The following GXYLT1 variants were observed in gnomAD, a reference collection of about 807,000 sequenced individuals.
The protein encoded by GXYLT1 is glycosyltransferase 8 domain containing 3.
Under a neutral mutation model 54.0 loss-of-function variants are expected in GXYLT1, and 29 were observed. The observed-to-expected ratio is 0.54, with a 90% CI of 0.40 to 0.73. The LOEUF (loss-of-function observed/expected upper bound fraction) is 0.73. Among genes scored for constraint, GXYLT1 ranks in the 30% least tolerant of loss-of-function variants. The probability of loss-of-function intolerance (pLI) is 0.00; values close to 1 mark genes in which losing one functional copy is unlikely to be tolerated. For missense variants in GXYLT1, 490 were observed against 553.4 expected, an observed-to-expected ratio of 0.89 and a Z score of 1.15; for synonymous variants, 176 against 204.1, an observed-to-expected ratio of 0.86 and a Z score of 1.17.
Position 42,097,872 on chromosome 12 carries a change from AT to A in GXYLT1, c.988+37del, listed in dbSNP as rs745495181. On this transcript the variant is annotated intron_variant, in intron 6 of 7. Transcript: ENST00000398675. ...CCTTTTTCACTAAGTATTATCTGTG[AT>A]TTTTTTAATGCAAATAAAAGGAATT... is the stretch of plus-strand genomic sequence containing the variant. 7.2e-5 allele frequency: 105 copies of A among 1,465,314 alleles called. 1 individual carries two copies. The highest frequency in any genetic ancestry group is 6.6e-4 in the South Asian group (55 of 82,898). 90.8% of individuals were successfully genotyped at this position (1,465,314 alleles called of 1,614,324 possible). A position where few individuals can be genotyped will look rare whatever the true frequency, so the allele number is the denominator to read the frequency against.
intron 1 of GXYLT1, among the ~76,000 whole-genome samples, chr12:42,140,942 G>A (rs1418747205): frequency 2.6e-5 from 4 of 152,200 alleles, no homozygotes; most frequent in Non-Finnish European, 4.4e-5. Flanking sequence ...AATTAGTGAT[G>A]TCCGGTAATA....
intron 1 of GXYLT1, among the ~76,000 whole-genome samples, chr12:42,134,274 A>G (rs1172670401): frequency 2.6e-5 from 4 of 152,140 alleles, no homozygotes; most frequent in Non-Finnish European, 4.4e-5. Flanking sequence ...AGAAACTGCA[A>G]TCCAATACCT....
intron 2 of GXYLT1, among the ~76,000 whole-genome samples, chr12:42,121,047 G>A (rs1230160183): frequency 1.3e-5 from 2 of 152,132 alleles, no homozygotes; most frequent in Non-Finnish European, 1.5e-5. Flanking sequence ...CTCAAAAACA[G>A]TGGAAGCCAC....
chr12:42,098,105 T>C, intron 5 of GXYLT1, 72 bp from the exon 6 acceptor site: 1 of 1,376,902 alleles, frequency 7.3e-7, no homozygotes, highest in Non-Finnish European at 1.0e-6. Flanking sequence ...CAGTTCCTCA[T>C]TCTTCCCACA....
chr12:42,128,112 T>G (rs928151543), intron 2 of GXYLT1, among the ~76,000 whole-genome samples: 7 of 151,670 alleles, frequency 4.6e-5, no homozygotes, highest in Admixed American at 3.3e-4. Flanking sequence ...TGGGAGAGAG[T>G]ATGTGATGGA....
At position 42,109,566 on chromosome 12, in the gene GXYLT1, C is replaced by G. The variant is rs532923494; in HGVS notation, c.612G>C (p.Pro204=). The change falls in exon 4 of 8, where the codon CCG becomes CCC. Residue 204 remains proline, a splice_region_variant and synonymous_variant. Transcript: ENST00000398675. Reference sequence around the variant, plus strand: ...AAAGACACTAGGGGAAAAAACTTACCGGCAAGAACAATCTCTGCGAAGCAC... The same window carrying G: ...AAAGACACTAGGGGAAAAAACTTACGGGCAAGAACAATCTCTGCGAAGCAC... ...KPCASQRLFL[P]LILKEVDSLL... is the part of the protein sequence containing the mutation. The G allele has an allele frequency of 1.4e-6, 2 of 1,478,604 alleles. No individual in the cohort carries two copies. The highest frequency in any genetic ancestry group is 1.8e-6 in the Non-Finnish European group (2 of 1,119,882). The allele number at this position is 1,478,604 out of a possible 1,614,324, so 91.6% of individuals were successfully genotyped here.
At chr12:42,132,438 G>A (rs1476420232) in intron 1 of GXYLT1, among the ~76,000 whole-genome samples, 1 of 152,014 alleles carries the variant, frequency 6.6e-6, no homozygotes, top group South Asian at 2.1e-4. Flanking sequence ...GTGTTTCTAC[G>A]AATACTTCAA....
At chr12:42,143,674 G>A (rs1393895649) in intron 1 of GXYLT1, among the ~76,000 whole-genome samples, 1 of 152,130 alleles carries the variant, frequency 6.6e-6, no homozygotes, top group Non-Finnish European at 1.5e-5. Flanking sequence ...ATAATGCGTT[G>A]ACAGAAACAT....
chr12:42,097,888 T>A, intron 6 of GXYLT1, 22 bp downstream of exon 6: 8 of 1,532,636 alleles, frequency 5.2e-6, no homozygotes, highest in Non-Finnish European at 7.1e-6. Flanking sequence ...TTAATGCAAA[T>A]AAAAGGAATT....
chr12:42,105,393 G>A (rs2065413271), intron 5 of GXYLT1, among the ~76,000 whole-genome samples: 1 of 152,296 alleles, frequency 6.6e-6, no homozygotes. Flanking sequence ...CATTGGTAGT[G>A]CTATCATTTC....
At chr12:42,141,114 AAGTGACACAG>A (rs1483303965) in intron 1 of GXYLT1, among the ~76,000 whole-genome samples, 1 of 152,218 alleles carries the variant, frequency 6.6e-6, no homozygotes, top group Non-Finnish European at 1.5e-5. Context: ...AGGAATGTGC[AAGTGACACAG>A]AGTCAACAAA....
intron 4 of GXYLT1, among the ~76,000 whole-genome samples, chr12:42,107,906 G>T (rs977813021): frequency 1.3e-5 from 2 of 152,140 alleles, no homozygotes; most frequent in Non-Finnish European, 2.9e-5. Flanking sequence ...ATCAGACATG[G>T]TTAAATCATA....
At chr12:42,137,743 C>A (rs1388237734) in intron 1 of GXYLT1, among the ~76,000 whole-genome samples, 2 of 119,852 alleles carry the variant, frequency 1.7e-5, no homozygotes, top group African/African-American at 3.5e-5. Flanking sequence ...AGTGACAGAG[C>A]GAGACTCCAT....
At chr12:42,135,959 A>C (rs2065617354) in intron 1 of GXYLT1, among the ~76,000 whole-genome samples, 1 of 152,260 alleles carries the variant, frequency 6.6e-6, no homozygotes, top group African/African-American at 2.4e-5. Context: ...AGTATATAGG[A>C]AAGATGTTTT....
intron 5 of GXYLT1, among the ~76,000 whole-genome samples, chr12:42,105,271 T>C (rs1039065758): frequency 1.3e-5 from 2 of 152,208 alleles, no homozygotes; most frequent in African/African-American, 4.8e-5. Flanking sequence ...TTTGAAAGAC[T>C]GGAAACACGC....
In GXYLT1 at chr12:42,085,461, A is replaced by G. The variant is rs1340532046; in HGVS notation, c.*2325T>C. On this transcript the variant is annotated 3_prime_UTR_variant, in exon 8 of 8. Coordinates refer to ENST00000398675, the MANE Select transcript of GXYLT1 (RefSeq NM_173601.2). ...GAAATTTTATCTTATCAAACTTACT[A>G]ATATAAATTCATATCCTGTCATTAA... The G allele has an allele frequency of 6.6e-6, 1 of 152,300 alleles. No individual in the cohort carries two copies. Among genetic ancestry groups the G allele is most frequent in the Non-Finnish European group, 1.5e-5 (1 of 68,056 alleles). 9.4% of individuals were successfully genotyped at this position (152,300 alleles called of 1,614,324 possible).
chr12:42,138,104 C>T (rs557841269), intron 1 of GXYLT1, among the ~76,000 whole-genome samples: 7 of 151,970 alleles, frequency 4.6e-5, no homozygotes, highest in South Asian at 2.1e-4. Flanking sequence ...CCTATCTCTA[C>T]TAAAAATAAA....
intron 1 of GXYLT1, among the ~76,000 whole-genome samples, chr12:42,130,419 G>A (rs2065587328): frequency 6.8e-6 from 1 of 146,410 alleles, no homozygotes; most frequent in Non-Finnish European, 1.5e-5. Flanking sequence ...AAACCACAAT[G>A]AGAGAACATC....
Position 42,099,432 on chromosome 12 carries a change from G to A in GXYLT1, c.865-1399C>T, listed in dbSNP as rs1428176374. ...AGTTTTAATAGGTTGAGGTTTTCCAGGGATATAAATATGTCACGCAAATAA... is the reference window on the plus strand; with the variant it reads ...AGTTTTAATAGGTTGAGGTTTTCCAAGGATATAAATATGTCACGCAAATAA... On this transcript the variant is annotated intron_variant, in intron 5 of 7. Coordinates refer to ENST00000398675, the MANE Select transcript of GXYLT1 (RefSeq NM_173601.2). 5.5e-4 allele frequency among the ~76,000 whole-genome samples: 83 copies of A among 152,074 alleles called. 1 individual carries two copies. Among genetic ancestry groups the A allele is most frequent in the Admixed American group, 5.4e-3 (83 of 15,258 alleles).
Sources: allele counts gnomAD v4.1 joint callset (sites outside exome capture counted in the v4.1 genomes callset), GRCh38; gene constraint gnomAD v4.1.1; transcripts MANE v1.5; gene names NCBI Gene and HGNC (gene_info 2026-07-23, HGNC 2026-07-21).